The following ATG4A variants were observed in gnomAD, a reference collection of about 807,000 sequenced individuals.
The protein encoded by ATG4A is cysteine protease ATG4A.
A neutral mutation model predicts 38.4 loss-of-function variants in ATG4A; 22 were observed. The ratio of observed to expected loss-of-function variants is 0.57; its 90% CI spans 0.41 to 0.82. The LOEUF (loss-of-function observed/expected upper bound fraction) is 0.82. ATG4A is among the 40% of genes least tolerant of loss of function. ATG4A has a pLI of 0.00. For missense variants in ATG4A, 220 were observed against 290.0 expected, an observed-to-expected ratio of 0.76 and a Z score of 1.75; for synonymous variants, 86 against 100.7, an observed-to-expected ratio of 0.85 and a Z score of 0.88.
chrX:108,109,047 A>T (rs746762021), intron 1 of ATG4A, among the ~76,000 whole-genome samples: 1 of 111,951 alleles, frequency 8.9e-6, no homozygotes, highest in Non-Finnish European at 1.9e-5. Context: ...GCTGGATCAC[A>T]TGGTAGTTCT....
chrX:108,152,457 C>A (rs938105391), intron 11 of ATG4A, among the ~76,000 whole-genome samples: 2 of 111,364 alleles, frequency 1.8e-5, no homozygotes, highest in Non-Finnish European at 3.8e-5. Flanking sequence ...TGGTCTTGAA[C>A]TGACCACAGG....
intron 9 of ATG4A, among the ~76,000 whole-genome samples, chrX:108,146,266 C>T (rs2033419176): frequency 8.9e-6 from 1 of 111,834 alleles, no homozygotes; most frequent in Admixed American, 9.5e-5. Context: ...TTTGTGCATT[C>T]GACCTAGAAG....
chrX:108,132,566 A>C (rs1414146707), intron 4 of ATG4A, among the ~76,000 whole-genome samples: 1 of 111,007 alleles, frequency 9.0e-6, no homozygotes, highest in Non-Finnish European at 1.9e-5. Context: ...TCCATTTTAC[A>C]GATGAGGAAA....
intron 1 of ATG4A, among the ~76,000 whole-genome samples, chrX:108,112,011 G>T (rs771621738): frequency 3.3e-4 from 36 of 110,591 alleles, no homozygotes; most frequent in Non-Finnish European, 5.9e-4. Context: ...AATTTTTAAT[G>T]TCTTGTGGGC....
At chrX:108,089,876 T>C (rs1479930080), upstream of ATG4A, among the ~76,000 whole-genome samples, 1 of 111,916 alleles carries the variant, frequency 8.9e-6, no homozygotes, top group Non-Finnish European at 1.9e-5. Flanking sequence ...AAAAAAGCTA[T>C]AGTAGTCATT....
chrX:108,123,040 C>T (rs1179095628), intron 1 of ATG4A, among the ~76,000 whole-genome samples: 13 of 112,049 alleles, frequency 1.2e-4, no homozygotes, highest in Admixed American at 3.8e-4. Flanking sequence ...CCAACATGTA[C>T]ACAGAGTCCC....
rs1227411869 is a variant in ATG4A at position 108,092,531 on chromosome X, G to T, written c.10+695G>T. ...CAAGAAAGAGACTCATGATGTTTAT[G>T]TTTATCCTGTTATAGTGTAGAACAG... is the stretch of plus-strand genomic sequence containing the variant. On this transcript the variant is annotated intron_variant, in intron 1 of 12. Coordinates refer to ENST00000372232, the MANE Select transcript of ATG4A (RefSeq NM_052936.5). Among the ~76,000 whole-genome samples, 4 of 112,282 alleles carry T rather than the reference G, an allele frequency of 3.6e-5. No homozygotes were observed. In the East Asian group the frequency reaches 1.1e-3, roughly 31 times the overall value.
Position 108,150,178 on chromosome X carries a change from C to T in ATG4A, c.841C>T (p.His281Tyr). Residue 281 changes from histidine to tyrosine, a missense_variant, in exon 10 of 13, where the codon CAT (histidine) becomes TAT (tyrosine). Physicochemically the swap from His to Tyr is moderately conservative, Grantham distance 83. Coordinates refer to ENST00000372232, the MANE Select transcript of ATG4A (RefSeq NM_052936.5). The part of the protein sequence containing the change: ...LGDELIFLDP[H>Y]TTQTFVDTEE... ...TGACGAGCTCATCTTCTTGGACCCT[C>T]ATACAACCCAGACCTTTGTTGACAC... 1 of 1,211,832 alleles carries T rather than the reference C, an allele frequency of 8.3e-7. No individual in the cohort carries two copies. Among genetic ancestry groups the T allele is most frequent in the Non-Finnish European group, 1.1e-6 (1 of 895,485 alleles).
chrX:108,131,609 G>A, intron 4 of ATG4A, among the ~76,000 whole-genome samples: 1 of 112,116 alleles, frequency 8.9e-6, no homozygotes, highest in East Asian at 2.8e-4. Flanking sequence ...AACATCGAGG[G>A]AGGTATGTCA....
chrX:108,150,502 T>G (rs2033559512), intron 10 of ATG4A, among the ~76,000 whole-genome samples: 1 of 112,737 alleles, frequency 8.9e-6, no homozygotes, highest in Non-Finnish European at 1.9e-5. Context: ...ACTAACTGTA[T>G]TAGTCTGTTC....
At chrX:108,143,081 C>A (rs1380929723) in intron 9 of ATG4A, among the ~76,000 whole-genome samples, 1 of 112,136 alleles carries the variant, frequency 8.9e-6, no homozygotes, top group Non-Finnish European at 1.9e-5. Context: ...CTTAATAATA[C>A]TTAAATGCTG....
At chrX:108,133,581 G>A (rs997327389) in intron 4 of ATG4A, among the ~76,000 whole-genome samples, 3 of 112,188 alleles carry the variant, frequency 2.7e-5, no homozygotes, top group African/African-American at 6.5e-5. Context: ...GTGAACTGTC[G>A]TATATCAGAA....
At chrX:108,091,983 C>T (rs1282237092) in intron 1 of ATG4A, 147 bp downstream of exon 1, 1 of 974,385 alleles carries the variant, frequency 1.0e-6, no homozygotes, top group Admixed American at 2.8e-5. Flanking sequence ...GGGTTCCTGA[C>T]CTGCAGTGGC....
In ATG4A at chrX:108,151,677, C is replaced by A. The variant is rs370200859; in HGVS notation, c.961-125C>A. Reference sequence around the variant, plus strand: ...TAGGAGAGAGAGAAGCCCAGGCAGTCTTCCTTCTTTATTGCTGAGAAGTCA... The same window carrying A: ...TAGGAGAGAGAGAAGCCCAGGCAGTATTCCTTCTTTATTGCTGAGAAGTCA... On this transcript the variant is annotated intron_variant, in intron 10 of 12. Coordinates refer to ENST00000372232, the MANE Select transcript of ATG4A (RefSeq NM_052936.5). 8 of 618,822 alleles carry A rather than the reference C, an allele frequency of 1.3e-5. No individual in the cohort carries two copies. In the East Asian group the frequency reaches 2.0e-4, roughly 15 times the overall value. 51.0% of individuals were successfully genotyped at this position (618,822 alleles called of 1,213,427 possible).
At chrX:108,150,581 A>G (rs2033560639) in intron 10 of ATG4A, among the ~76,000 whole-genome samples, 1 of 113,024 alleles carries the variant, frequency 8.8e-6, no homozygotes, top group African/African-American at 3.2e-5. Context: ...GTTAACTCAC[A>G]GTTCCACATG....
chrX:108,143,899 T>C (rs991541150), intron 9 of ATG4A: 3 of 115,310 alleles, frequency 2.6e-5, no homozygotes, highest in African/African-American at 9.7e-5. Flanking sequence ...TGGAAAACTT[T>C]GCCCCAGCCC....
At chrX:108,089,780 G>A (rs374353927), upstream of ATG4A, among the ~76,000 whole-genome samples, 51 of 110,981 alleles carry the variant, frequency 4.6e-4, no homozygotes, top group East Asian at 7.6e-3. Flanking sequence ...TTGCAGTGAG[G>A]TGATACGGCA....
At chrX:108,118,130 A>G (rs762952125) in intron 1 of ATG4A, among the ~76,000 whole-genome samples, 1 of 112,345 alleles carries the variant, frequency 8.9e-6, no homozygotes, top group Non-Finnish European at 1.9e-5. Flanking sequence ...AAACATAACT[A>G]TAATGTTCTA....
At chrX:108,101,366 G>A (rs1215486719) in intron 1 of ATG4A, among the ~76,000 whole-genome samples, 1 of 108,714 alleles carries the variant, frequency 9.2e-6, no homozygotes, top group Non-Finnish European at 1.9e-5. Flanking sequence ...GATGTTGTCT[G>A]TTGATTTTGA....
Sources: gnomAD v4.1 joint callset for allele counts (sites outside exome capture counted in the v4.1 genomes callset) on GRCh38, gnomAD v4.1.1 for gene constraint, MANE v1.5 for transcripts, NCBI Gene and HGNC (gene_info 2026-07-23, HGNC 2026-07-21) for gene names.